Variants in OTUD7A observed in about 807,000 individuals in gnomAD.
OTUD7A encodes the protein OTU domain-containing protein 7A.
A neutral mutation model predicts 65.7 loss-of-function variants in OTUD7A; 12 were observed. The ratio of observed to expected loss-of-function variants is 0.18; its 90% CI spans 0.12 to 0.30. The LOEUF (loss-of-function observed/expected upper bound fraction) is 0.30. OTUD7A is among the 10% of genes least tolerant of loss of function. OTUD7A has a pLI of 1.00. For synonymous variants in OTUD7A, 641 were observed against 586.3 expected (o/e 1.09, Z -1.35); for missense variants, 1,148 against 1,304.8 (o/e 0.88, Z 1.85).
At chr15:31,599,969 C>T (rs143118874) in intron 3 of OTUD7A, among the ~76,000 whole-genome samples, 75 of 152,188 alleles carry the variant, frequency 4.9e-4, no homozygotes, top group African/African-American at 1.7e-3. Context: ...ATGAACAAAG[C>T]CTCCAAGAAA....
chr15:31,744,268 G>A (rs1894418058), intron 1 of OTUD7A, among the ~76,000 whole-genome samples: 1 of 152,066 alleles, frequency 6.6e-6, no homozygotes, highest in African/African-American at 2.4e-5. Flanking sequence ...TTTGGCATGA[G>A]GCTAGCATAC....
chr15:31,859,365 T>C (rs147481728), intron 1 of OTUD7A, among the ~76,000 whole-genome samples: 8 of 152,360 alleles, frequency 5.3e-5, no homozygotes, highest in South Asian at 2.1e-4. Flanking sequence ...CTTTTAGCAA[T>C]TGTCAAGTCT....
At chr15:31,612,102 TTTAAGA>T (rs1356247760) in intron 3 of OTUD7A, among the ~76,000 whole-genome samples, 1 of 152,186 alleles carries the variant, frequency 6.6e-6, no homozygotes, top group Non-Finnish European at 1.5e-5. Flanking sequence ...TCCAGCATCC[TTTAAGA>T]TTAAAACTCT....
chr15:31,485,747 C>G (rs1171018853), intron 12 of OTUD7A, among the ~76,000 whole-genome samples: 1 of 152,232 alleles, frequency 6.6e-6, no homozygotes, highest in Admixed American at 6.5e-5. Context: ...ACAGGCGTCC[C>G]TGGCTTCCAG....
At position 31,766,244 on chromosome 15, in the gene OTUD7A, C is replaced by G. The variant is rs1895091125; in HGVS notation, c.-100+104263G>C. On this transcript the variant is annotated intron_variant, in intron 1 of 12. Coordinates refer to ENST00000307050, the MANE Select transcript of OTUD7A (RefSeq NM_001382637.1). ...ACACACATTGAGAAACGGTATGTAT[C>G]AACAGTGATCTCGCACCCATTGCAT... is the stretch of plus-strand genomic sequence containing the variant. 1.9e-6 allele frequency: 3 copies of G among 1,562,850 alleles called. No homozygotes were observed. The East Asian group carries it at 6.7e-5, about 35-fold the overall frequency.
chr15:31,558,788 C>T, intron 5 of OTUD7A, 181 bp downstream of exon 5: 1 of 667,194 alleles, frequency 1.5e-6, no homozygotes, highest in Non-Finnish European at 2.5e-6. Flanking sequence ...CCATCCAGCC[C>T]ATGCTGGCTA....
rs1031029961 is a variant in OTUD7A, at chr15:31,655,198, C to T, written c.49G>A (p.Ala17Thr). Residue 17 changes from alanine to threonine, a missense_variant, in exon 3 of 13, where the codon GCA (alanine) becomes ACA (threonine). By Grantham distance (58) the Ala-to-Thr change is moderately conservative. This residue lies in a region of OTUD7A where 38 missense variants were observed against 85.7 expected (regional missense o/e 0.44). Transcript: ENST00000307050. ...AGAGTCATAGGATCATGTAGAAGTGCTGCCCAACACTCAGCCGAGGTGGGG... is the reference window on the plus strand; with the variant it reads ...AGAGTCATAGGATCATGTAGAAGTGTTGCCCAACACTCAGCCGAGGTGGGG... ...PNPTSAECWA[A>T]LLHDPMTLDM... 27 of 1,528,578 alleles carry T rather than the reference C, an allele frequency of 1.8e-5. No homozygotes were observed. The highest frequency in any genetic ancestry group is 2.2e-5 in the Non-Finnish European group (25 of 1,122,750). 94.7% of individuals were successfully genotyped at this position (1,528,578 alleles called of 1,614,324 possible).
intron 1 of OTUD7A, among the ~76,000 whole-genome samples, chr15:31,783,773 A>G (rs969052976): frequency 3.3e-5 from 5 of 152,196 alleles, no homozygotes; most frequent in African/African-American, 4.8e-5. Context: ...TCATCAAAGC[A>G]TACTTGCAGG....
At chr15:31,800,020 A>G (rs534291338) in intron 1 of OTUD7A, among the ~76,000 whole-genome samples, 1 of 152,300 alleles carries the variant, frequency 6.6e-6, no homozygotes, top group East Asian at 1.9e-4. Context: ...AAGGTTGTTT[A>G]TTACACCAGA....
intron 1 of OTUD7A, among the ~76,000 whole-genome samples, chr15:31,761,280 T>C (rs544328732): frequency 7.3e-4 from 111 of 152,258 alleles, no homozygotes; most frequent in African/African-American, 2.6e-3. Flanking sequence ...ATTTGCACAA[T>C]GTACATCTGA....
intron 1 of OTUD7A, among the ~76,000 whole-genome samples, chr15:31,757,612 C>A (rs1438621522): frequency 6.7e-6 from 1 of 149,400 alleles, no homozygotes; most frequent in Non-Finnish European, 1.5e-5. Flanking sequence ...GTATTGTATT[C>A]CCATGAATTG....
chr15:31,670,709 C>G (rs542993099), intron 1 of OTUD7A, among the ~76,000 whole-genome samples: 1 of 152,152 alleles, frequency 6.6e-6, no homozygotes, highest in South Asian at 2.1e-4. Context: ...AATCTTCTCC[C>G]GGCCGGGCGC....
chr15:31,720,401 A>ATT (rs781404973), intron 1 of OTUD7A, among the ~76,000 whole-genome samples: 78 of 132,926 alleles, frequency 5.9e-4, no homozygotes, highest in South Asian at 1.2e-3. Context: ...CAGTAACTTC[A>ATT]TTTTTTTTTT....
At chr15:31,641,258 T>C (rs1402370076) in intron 3 of OTUD7A, among the ~76,000 whole-genome samples, 1 of 152,220 alleles carries the variant, frequency 6.6e-6, no homozygotes, top group Non-Finnish European at 1.5e-5. Flanking sequence ...TCTTCCACCA[T>C]GACTGTAAGT....
chr15:31,724,250 C>A (rs1174203903), intron 1 of OTUD7A, among the ~76,000 whole-genome samples: 1 of 152,174 alleles, frequency 6.6e-6, no homozygotes, highest in Non-Finnish European at 1.5e-5. Flanking sequence ...GAAATAAAAT[C>A]TGTGCTGTTT....
At chr15:31,858,681 C>T (rs1413831716) in intron 1 of OTUD7A, among the ~76,000 whole-genome samples, 1 of 152,236 alleles carries the variant, frequency 6.6e-6, no homozygotes, top group African/African-American at 2.4e-5. Context: ...CGGCCAGGTT[C>T]CCCGTCTTGC....
chr15:31,650,496 CAG>C (rs1362064172), intron 3 of OTUD7A, among the ~76,000 whole-genome samples: 4 of 124,744 alleles, frequency 3.2e-5, no homozygotes, highest in Non-Finnish European at 4.9e-5. Context: ...AGATTACCAC[CAG>C]AGTCCCAGGC....
At position 31,511,118 on chromosome 15, in the gene OTUD7A, C is replaced by T. The variant is rs868326415; in HGVS notation, c.894-7300G>A. 1.3e-3 allele frequency among the ~76,000 whole-genome samples: 20 copies of T among 15,412 alleles called. 6 individuals are homozygous for T. The highest frequency in any genetic ancestry group is 1.9e-3 in the African/African-American group (2 of 1,026). The allele number at this position is 15,412 out of a possible 152,430, so 10.1% of individuals were successfully genotyped here. A position where few individuals can be genotyped will look rare whatever the true frequency, so the allele number is the denominator to read the frequency against. On this transcript the variant is annotated intron_variant, in intron 8 of 12. Transcript: ENST00000307050. ...CATATGTATATCTATATGTAACATACATATGTATATCTATATGTAACATAC... is the reference window on the plus strand; with the variant it reads ...CATATGTATATCTATATGTAACATATATATGTATATCTATATGTAACATAC...
chr15:31,730,963 G>C (rs1894025716), intron 1 of OTUD7A, among the ~76,000 whole-genome samples: 1 of 152,156 alleles, frequency 6.6e-6, no homozygotes. Flanking sequence ...AGTGTCAAAG[G>C]AAAAACTACA....
Sources: gnomAD v4.1 joint callset for allele counts (sites outside exome capture counted in the v4.1 genomes callset) on GRCh38, gnomAD v4.1.1 for gene constraint, gnomAD v4.1.1 regional missense constraint, MANE v1.5 for transcripts, NCBI Gene and HGNC (gene_info 2026-07-23, HGNC 2026-07-21) for gene names.